Variants in COPZ1 observed in about 807,000 individuals in gnomAD.
COPZ1 encodes coatomer subunit zeta-1.
In COPZ1, 4 loss-of-function variants were observed where a neutral mutation model predicts 31.7. That is an observed-to-expected ratio of 0.13 (90% confidence interval 0.06 to 0.29). The LOEUF (loss-of-function observed/expected upper bound fraction) is 0.29. Ranked by LOEUF, COPZ1 falls within the 10% of genes least tolerant of loss-of-function variation. The probability of loss-of-function intolerance (pLI) is 1.00; values close to 1 mark genes in which losing one functional copy is unlikely to be tolerated. For missense variants in COPZ1, 156 were observed against 211.5 expected (o/e 0.74, Z 1.63); for synonymous variants, 74 against 79.0 (o/e 0.94, Z 0.33).
rs267603541 is a variant in COPZ1 at position 54,340,529 on chromosome 12, A to T, written c.19-18A>T. 1 of 1,613,846 alleles carries T rather than the reference A, an allele frequency of 6.2e-7. No individual in the cohort carries two copies. ...GATGGGAGGCTTCAGGACTGAAGGT[A>T]TGTTCGTATCTCTTCAGGAACCTTC... is the stretch of plus-strand genomic sequence containing the variant. On this transcript the variant is annotated intron_variant, in intron 1 of 8. Transcript: ENST00000262061.
chr12:54,342,095 G>A, intron 2 of COPZ1, 111 bp from the exon 3 acceptor site: 2 of 743,274 alleles, frequency 2.7e-6, no homozygotes, highest in Non-Finnish European at 4.9e-6. Context: ...TTTCTCCCTT[G>A]CCCCATGCCT....
intron 1 of COPZ1, among the ~76,000 whole-genome samples, chr12:54,338,132 G>A (rs954377598): frequency 6.6e-6 from 1 of 152,190 alleles, no homozygotes; most frequent in Non-Finnish European, 1.5e-5. Flanking sequence ...TTAATGCCCA[G>A]CTTAAACTAA....
chr12:54,350,336 C>T (rs1182105382), intron 8 of COPZ1, 140 bp from the exon 9 acceptor site: 2 of 802,980 alleles, frequency 2.5e-6, no homozygotes, highest in South Asian at 2.7e-5. Flanking sequence ...AGCTTCTTCC[C>T]ATCTCTTTAC....
At chr12:54,336,411 G>A (rs952269740) in intron 1 of COPZ1, among the ~76,000 whole-genome samples, 2 of 151,952 alleles carry the variant, frequency 1.3e-5, no homozygotes, top group Non-Finnish European at 2.9e-5. Flanking sequence ...CATGGTGGCA[G>A]GTGCGTGTAG....
chr12:54,350,356 T>G (rs1466583102), intron 8 of COPZ1, 120 bp from the exon 9 acceptor site: 1 of 847,416 alleles, frequency 1.2e-6, no homozygotes, highest in Non-Finnish European at 2.0e-6. Context: ...CCCTTGGGGA[T>G]TTTCTATTCT....
intron 1 of COPZ1, among the ~76,000 whole-genome samples, chr12:54,333,541 A>C (rs1171746321): frequency 1.3e-5 from 2 of 152,062 alleles, no homozygotes. Context: ...GCTGATCCCC[A>C]TTATAGTACA....
At chr12:54,337,384 G>A in intron 1 of COPZ1, 1 of 495,388 alleles carries the variant, frequency 2.0e-6, no homozygotes. Flanking sequence ...GCCCTAAGCT[G>A]ATAAGGTCTT....
chr12:54,338,344 C>T (rs915458939), intron 1 of COPZ1, among the ~76,000 whole-genome samples: 2 of 152,188 alleles, frequency 1.3e-5, no homozygotes, highest in Non-Finnish European at 2.9e-5. Flanking sequence ...GCCTGCTTTA[C>T]AGGAAGATCT....
At chr12:54,337,141 A>C (rs1362419534) in intron 1 of COPZ1, 1 of 530,094 alleles carries the variant, frequency 1.9e-6, no homozygotes, top group Non-Finnish European at 3.9e-6. Flanking sequence ...TTTCTTGATA[A>C]TAAAAACATA....
intron 1 of COPZ1, among the ~76,000 whole-genome samples, chr12:54,339,412 G>A (rs1473890475): frequency 6.6e-6 from 1 of 152,114 alleles, no homozygotes; most frequent in Non-Finnish European, 1.5e-5. Flanking sequence ...CAGTGGCGCA[G>A]TCCTAGCTCA....
intron 5 of COPZ1, 70 bp from the exon 6 acceptor site, chr12:54,347,697 T>C (rs1044171397): frequency 2.0e-5 from 29 of 1,425,248 alleles, no homozygotes; most frequent in African/African-American, 5.7e-5. Context: ...GGTTCCTCAA[T>C]TGAGACAAGG....
chr12:54,348,484 A>T (rs1166893366), intron 7 of COPZ1, among the ~76,000 whole-genome samples: 1 of 152,128 alleles, frequency 6.6e-6, no homozygotes, highest in Admixed American at 6.5e-5. Context: ...CACACCTGTA[A>T]TCCCAGCACT....
chr12:54,347,489 T>C (rs1021377453), intron 5 of COPZ1, among the ~76,000 whole-genome samples: 1 of 152,232 alleles, frequency 6.6e-6, no homozygotes, highest in Non-Finnish European at 1.5e-5. Context: ...AGCAGCATCA[T>C]GGCAGGTAGG....
intron 1 of COPZ1, among the ~76,000 whole-genome samples, chr12:54,339,980 CGTGTGTGTGTGTGTGTGTGTGTGT>C (rs10522684): frequency 1.4e-5 from 2 of 142,066 alleles, no homozygotes; most frequent in African/African-American, 2.6e-5. Flanking sequence ...TGTGCCTGTG[CGTGTGTGTGTGTGTGTGTGTGTGT>C]GTGTGTGTGT....
At chr12:54,336,547 AAGCTCTTATCCAG>A (rs1266404459) in intron 1 of COPZ1, among the ~76,000 whole-genome samples, 46 of 152,012 alleles carry the variant, frequency 3.0e-4, no homozygotes, top group Admixed American at 2.7e-3. Context: ...AAAAAAAAAA[AAGCTCTTATCCAG>A]AGCTGCCTTT....
intron 1 of COPZ1, among the ~76,000 whole-genome samples, chr12:54,335,217 G>A (rs562416288): frequency 1.3e-5 from 2 of 151,848 alleles, no homozygotes; most frequent in South Asian, 4.2e-4. Context: ...CACAGAGTCA[G>A]GAAGTATACC....
At chr12:54,344,251 G>A (rs183202173) in intron 4 of COPZ1, among the ~76,000 whole-genome samples, 74 of 151,890 alleles carry the variant, frequency 4.9e-4, no homozygotes, top group Non-Finnish European at 8.7e-4. Flanking sequence ...AGGAGTTCGC[G>A]ACCAGGCTGG....
At chr12:54,341,985 G>A (rs756638063) in intron 2 of COPZ1, among the ~76,000 whole-genome samples, 1 of 152,226 alleles carries the variant, frequency 6.6e-6, no homozygotes, top group Non-Finnish European at 1.5e-5. Flanking sequence ...TCTTGGAAAT[G>A]TGAGGTGGGG....
chr12:54,340,523 G>C, intron 1 of COPZ1, 24 bp from the exon 2 acceptor site: 1 of 1,613,770 alleles, frequency 6.2e-7, no homozygotes, highest in Non-Finnish European at 8.5e-7. Context: ...CTTCAGGACT[G>C]AAGGTATGTT....
Sources: allele counts gnomAD v4.1 joint callset (sites outside exome capture counted in the v4.1 genomes callset), GRCh38; gene constraint gnomAD v4.1.1; transcripts MANE v1.5; gene names NCBI Gene and HGNC (gene_info 2026-07-23, HGNC 2026-07-21).